Variants in ZNF783 observed in about 807,000 individuals in gnomAD.
ZNF783 encodes the protein zinc finger protein 783.
In ZNF783, 25 loss-of-function variants were observed where a neutral mutation model predicts 31.3. That is an observed-to-expected ratio of 0.80 (90% CI 0.58 to 1.11). ZNF783 has a LOEUF of 1.11. ZNF783 is among the 50% of genes most tolerant of loss of function. The pLI is 0.00. For missense variants in ZNF783, 797 were observed against 760.0 expected (o/e 1.05, Z -0.57); for synonymous variants, 369 against 319.1 (o/e 1.16, Z -1.66).
intron 4 of ZNF783, among the ~76,000 whole-genome samples, chr7:149,269,238 C>T (rs1290254453): frequency 1.3e-5 from 2 of 152,178 alleles, no homozygotes; most frequent in African/African-American, 4.8e-5. Context: ...GCTTGCATGT[C>T]TTCTTTTAAG....
chr7:149,262,874 T>C (rs1458679095), intron 1 of ZNF783, among the ~76,000 whole-genome samples: 1 of 152,232 alleles, frequency 6.6e-6, no homozygotes, highest in Non-Finnish European at 1.5e-5. Context: ...GATTGTGTCG[T>C]TTACAAGAGA....
chr7:149,266,312 C>A (rs771713483), intron 1 of ZNF783, 23 bp from the exon 2 acceptor site: 1 of 1,521,760 alleles, frequency 6.6e-7, no homozygotes, highest in South Asian at 1.3e-5. Flanking sequence ...CATAACATCT[C>A]TCTTTTCTCT....
At chr7:149,266,216 A>G in intron 1 of ZNF783, 119 bp from the exon 2 acceptor site, 1 of 1,223,286 alleles carries the variant, frequency 8.2e-7, no homozygotes, top group Non-Finnish European at 1.1e-6. Context: ...TCTGCTGCTA[A>G]CTCAGGAGCC....
chr7:149,281,730 G>C lies in ZNF783; in HGVS notation c.1028G>C (p.Arg343Pro). The C allele has an allele frequency of 6.8e-7, 1 of 1,477,366 alleles. No homozygotes were observed. The highest frequency in any genetic ancestry group is 1.4e-5 in the South Asian group (1 of 72,982). The allele number at this position is 1,477,366 out of a possible 1,614,324, so 91.5% of individuals were successfully genotyped here. A position where few individuals can be genotyped will look rare whatever the true frequency, so the allele number is the denominator to read the frequency against. ...GGGGAGACGCCCCGAGTCCTCTCCCGCAGGCGGCAGCGGGCATTCCCCTGC... is the reference window on the plus strand; with the variant it reads ...GGGGAGACGCCCCGAGTCCTCTCCCCCAGGCGGCAGCGGGCATTCCCCTGC... ...ASGETPRVLSRRRQRAFPCPD... is the reference protein window; with the variant it reads ...ASGETPRVLSPRRQRAFPCPD... Residue 343 changes from arginine (R) to proline (P), a missense_variant, in exon 6 of 6, where the codon CGC (arginine) becomes CCC (proline). Coordinates refer to ENST00000434415, the MANE Select transcript of ZNF783 (RefSeq NM_001195220.2).
rs1410184137 is a variant in ZNF783, at chr7:149,282,284, G to A, written c.1582G>A (p.Ala528Thr). The A allele has an allele frequency of 1.9e-6, 3 of 1,557,482 alleles. No homozygotes were observed. The highest frequency in any genetic ancestry group is 1.9e-5 in the Admixed American group (1 of 53,828). ...RGQVGPHFPA[A>T]PARHGSLPLP... is the part of the protein sequence containing the mutation. Reference sequence around the variant, plus strand: ...CCAGGTGGGCCCACACTTCCCTGCCGCCCCCGCCCGCCACGGGAGCCTGCC... The same window carrying A: ...CCAGGTGGGCCCACACTTCCCTGCCACCCCCGCCCGCCACGGGAGCCTGCC... Residue 528 changes from alanine (A) to threonine (T), a missense_variant, in exon 6 of 6, where the codon GCC becomes ACC. Transcript: ENST00000434415.
In ZNF783 at chr7:149,266,439, G is replaced by C. The variant is rs1166143721; in HGVS notation, c.129G>C (p.Leu43=). The C allele has an allele frequency of 6.2e-7, 1 of 1,605,398 alleles. No individual in the cohort carries two copies. Among genetic ancestry groups the C allele is most frequent in the Admixed American group, 1.7e-5 (1 of 60,016 alleles). Residue 43 remains leucine (L), a synonymous_variant, in exon 2 of 6, where the codon CTG becomes CTC. Transcript: ENST00000434415. ...NSYLYSTEIT[L]WTVVAAIQAL... Reference sequence around the variant, plus strand: ...ACCTCTACTCCACGGAAATCACACTGTGGACGGTGGTGGCCGCCATTCAGG... The same window carrying C: ...ACCTCTACTCCACGGAAATCACACTCTGGACGGTGGTGGCCGCCATTCAGG...
chr7:149,262,239 C>A lies in ZNF783; in HGVS notation c.-95C>A. ...GCCCGGCAGTAGCTCTCAGGTTAGGCGGGTCCCGCTCCGCTTCCGCCGTCG... is the reference window on the plus strand; with the variant it reads ...GCCCGGCAGTAGCTCTCAGGTTAGGAGGGTCCCGCTCCGCTTCCGCCGTCG... On this transcript the variant is annotated 5_prime_UTR_variant, in exon 1 of 6. Coordinates refer to ENST00000434415, the MANE Select transcript of ZNF783 (RefSeq NM_001195220.2). The A allele has an allele frequency of 2.6e-6, 3 of 1,171,930 alleles. No individual in the cohort carries two copies. Among genetic ancestry groups the A allele is most frequent in the Non-Finnish European group, 3.3e-6 (3 of 911,932 alleles). 72.6% of individuals were successfully genotyped at this position (1,171,930 alleles called of 1,614,324 possible). A position where few individuals can be genotyped will look rare whatever the true frequency, so the allele number is the denominator to read the frequency against.
At chr7:149,274,728 T>C (rs1797287645) in intron 4 of ZNF783, among the ~76,000 whole-genome samples, 1 of 152,252 alleles carries the variant, frequency 6.6e-6, no homozygotes, top group Non-Finnish European at 1.5e-5. Context: ...GGTTTATTTC[T>C]GGGTTCCCTC....
Position 149,281,575 on chromosome 7 carries a change from G to C in ZNF783, c.873G>C (p.Gly291=). Residue 291 remains glycine (G), a synonymous_variant, in exon 6 of 6, where the codon GGG becomes GGC. Coordinates refer to ENST00000434415, the MANE Select transcript of ZNF783 (RefSeq NM_001195220.2). ...TGACGCCTGAGCGGCTCTTTCTGGG[G>C]GTGTCCCGAGGCCAGACCGAGTGTA... ...DEMTPERLFL[G]VSRGQTECRI... is the part of the protein sequence containing the mutation. The C allele has an allele frequency of 6.6e-7, 1 of 1,511,462 alleles. No individual in the cohort carries two copies. Among genetic ancestry groups the C allele is most frequent in the Non-Finnish European group, 8.7e-7 (1 of 1,144,426 alleles). The allele number at this position is 1,511,462 out of a possible 1,614,324, so 93.6% of individuals were successfully genotyped here. A position where few individuals can be genotyped will look rare whatever the true frequency, so the allele number is the denominator to read the frequency against.
chr7:149,274,734 C>T (rs1421448609), intron 4 of ZNF783, among the ~76,000 whole-genome samples: 1 of 152,266 alleles, frequency 6.6e-6, no homozygotes, highest in East Asian at 1.9e-4. Context: ...TTTCTGGGTT[C>T]CCTCTTCTAT....
At chr7:149,276,216 G>C (rs529878781) in intron 4 of ZNF783, 122 of 502,682 alleles carry the variant, frequency 2.4e-4, no homozygotes, top group Non-Finnish European at 3.0e-4. Context: ...AGTGGCTCAC[G>C]AACAGTCAGG....
chr7:149,271,801 T>C (rs1454694419), intron 4 of ZNF783, among the ~76,000 whole-genome samples: 2 of 152,196 alleles, frequency 1.3e-5, no homozygotes, highest in Non-Finnish European at 2.9e-5. Context: ...CACCCCTGTC[T>C]TATTCAGTAG....
intron 5 of ZNF783, among the ~76,000 whole-genome samples, chr7:149,279,226 C>T (rs1486759528): frequency 6.6e-6 from 1 of 152,238 alleles, no homozygotes; most frequent in African/African-American, 2.4e-5. Flanking sequence ...TCTTTCCAGC[C>T]AGTGTGTAAG....
At chr7:149,270,987 G>A (rs1048643444) in intron 4 of ZNF783, among the ~76,000 whole-genome samples, 3 of 152,044 alleles carry the variant, frequency 2.0e-5, no homozygotes, top group Middle Eastern at 3.2e-3. Context: ...TCGCTCTGTC[G>A]CCCAGGCTGG....
chr7:149,276,231 A>G, intron 4 of ZNF783: 1 of 613,408 alleles, frequency 1.6e-6, no homozygotes, highest in Non-Finnish European at 2.0e-6. Context: ...GTCAGGATTC[A>G]TATTTTCACT....
intron 1 of ZNF783, among the ~76,000 whole-genome samples, chr7:149,263,324 ATTT>A (rs1210367064): frequency 1.8e-5 from 2 of 108,286 alleles, no homozygotes; most frequent in African/African-American, 7.0e-5. Context: ...ATATATATAT[ATTT>A]TTTTTTTAGA....
At chr7:149,269,735 A>G (rs1797166945) in intron 4 of ZNF783, among the ~76,000 whole-genome samples, 2 of 152,062 alleles carry the variant, frequency 1.3e-5, no homozygotes, top group African/African-American at 2.4e-5. Flanking sequence ...TTTGTTACAT[A>G]TGTATACATG....
chr7:149,281,239 C>T (rs1797458270), intron 5 of ZNF783, among the ~76,000 whole-genome samples: 1 of 152,264 alleles, frequency 6.6e-6, no homozygotes, highest in Non-Finnish European at 1.5e-5. Context: ...GGCTCCCTGG[C>T]TCCTGGCCTT....
At chr7:149,268,081 A>G (rs971935112) in intron 4 of ZNF783, among the ~76,000 whole-genome samples, 1 of 152,180 alleles carries the variant, frequency 6.6e-6, no homozygotes, top group South Asian at 2.1e-4. Context: ...TTTCAATTAA[A>G]TTTTAATAAA....
Sources: allele counts gnomAD v4.1 joint callset (sites outside exome capture counted in the v4.1 genomes callset), GRCh38; gene constraint gnomAD v4.1.1; transcripts MANE v1.5; gene names NCBI Gene and HGNC (gene_info 2026-07-23, HGNC 2026-07-21).